The following TSR1 variants were observed in gnomAD, a reference collection of about 807,000 sequenced individuals.
TSR1 encodes pre-rRNA-processing protein TSR1 homolog.
Under a neutral mutation model 90.9 loss-of-function variants are expected in TSR1, and 81 were observed. The observed-to-expected ratio is 0.89, with a 90% CI of 0.74 to 1.07. The LOEUF is 1.07. Ranked by LOEUF, TSR1 falls within the 50% of genes least tolerant of loss-of-function variation. TSR1 has a pLI of 0.00. For synonymous variants in TSR1, 362 were observed against 348.8 expected (o/e 1.04, Z -0.42); for missense variants, 989 against 987.3 (o/e 1.00, Z -0.02).
chr17:2,326,817 A>AT (rs1567782296), intron 11 of TSR1, among the ~76,000 whole-genome samples: 1 of 152,084 alleles, frequency 6.6e-6, no homozygotes, highest in East Asian at 1.9e-4. Context: ...AAAAAGAAAA[A>AT]TTTTTGGCCG....
chr17:2,334,928 T>C, intron 4 of TSR1, 32 bp from the exon 5 acceptor site: 1 of 1,576,714 alleles, frequency 6.3e-7, no homozygotes, highest in East Asian at 2.2e-5. Flanking sequence ...CTTCATGACC[T>C]ACTGCTTCAT....
rs1597273080 is a variant in TSR1 at position 2,324,444 on chromosome 17, A to G, written c.2236+60T>C. 13 of 1,611,926 alleles carry G rather than the reference A, an allele frequency of 8.1e-6. No homozygotes were observed. The East Asian group carries it at 2.7e-4, about 33-fold the overall frequency. The stretch of plus-strand genomic sequence containing the variant: ...TTTTAAAGCAATGACTTCCAACCCA[A>G]CAGTCATTTAGCAACACTGCAGAAA... On this transcript the variant is annotated intron_variant, in intron 14 of 14. Coordinates refer to ENST00000301364, the MANE Select transcript of TSR1 (RefSeq NM_018128.5).
intron 8 of TSR1, among the ~76,000 whole-genome samples, chr17:2,331,828 C>T (rs1394157185): frequency 1.3e-5 from 2 of 152,214 alleles, no homozygotes; most frequent in Non-Finnish European, 1.5e-5. Context: ...TCTACTTCTT[C>T]ACTCTTCTAC....
chr17:2,332,007 A>G (rs2064007300), intron 8 of TSR1, among the ~76,000 whole-genome samples, 162 bp downstream of exon 8: 1 of 152,122 alleles, frequency 6.6e-6, no homozygotes, highest in Non-Finnish European at 1.5e-5. Flanking sequence ...ACATATGACC[A>G]TTTCCCGTAT....
chr17:2,335,581 T>G lies in TSR1; in HGVS notation c.351A>C (p.Gly117=). ...DTGTVHLNEL[G]NTQNFMLLCP... is the part of the protein sequence containing the mutation. ...ACAGCAGCATAAAGTTCTGGGTGTTTCCCAATTCATTCAAGTGTACTGTTC... is the reference window on the plus strand; with the variant it reads ...ACAGCAGCATAAAGTTCTGGGTGTTGCCCAATTCATTCAAGTGTACTGTTC... Residue 117 remains glycine (G), a synonymous_variant, in exon 3 of 15, where the codon GGA becomes GGC. Transcript: ENST00000301364. 1 of 1,614,146 alleles carries G rather than the reference T, an allele frequency of 6.2e-7. No individual in the cohort carries two copies. Among genetic ancestry groups the G allele is most frequent in the Non-Finnish European group, 8.5e-7 (1 of 1,180,018 alleles).
At chr17:2,325,891 G>A (rs964633832) in intron 11 of TSR1, among the ~76,000 whole-genome samples, 38 of 152,204 alleles carry the variant, frequency 2.5e-4, no homozygotes, top group African/African-American at 7.9e-4. Flanking sequence ...GATTACAGGC[G>A]TGAGCCACCG....
intron 10 of TSR1, 48 bp downstream of exon 10, chr17:2,330,467 G>T: frequency 6.5e-7 from 1 of 1,543,940 alleles, no homozygotes. Flanking sequence ...GTCAGAAGCA[G>T]CTGGAAAGTT....
intron 12 of TSR1, 200 bp from the exon 13 acceptor site, chr17:2,325,029 G>T: frequency 1.6e-6 from 1 of 623,776 alleles, no homozygotes; most frequent in Non-Finnish European, 2.7e-6. Flanking sequence ...CAAGAGAAAT[G>T]ATGTATAACA....
intron 9 of TSR1, 58 bp from the exon 10 acceptor site, chr17:2,330,683 G>C: frequency 6.5e-7 from 1 of 1,535,444 alleles, no homozygotes; most frequent in East Asian, 2.3e-5. Context: ...CCAATAGCGA[G>C]GAAGCTTTCT....
Position 2,323,923 on chromosome 17 carries a change from C to T in TSR1, c.*273G>A. 1 of 1,515,800 alleles carries T rather than the reference C, an allele frequency of 6.6e-7. No homozygotes were observed. The highest frequency in any genetic ancestry group is 1.2e-5 in the South Asian group (1 of 86,522). 93.9% of individuals were successfully genotyped at this position (1,515,800 alleles called of 1,614,324 possible). On this transcript the variant is annotated 3_prime_UTR_variant, in exon 15 of 15. Transcript: ENST00000301364. ...ATTCAGTGTCTTTAGATACTGAAGA[C>T]ATTTTGTTTCCTAGTATTGTCAACT...
chr17:2,333,791 C>T (rs2064025045), intron 5 of TSR1, 75 bp from the exon 6 acceptor site: 1 of 1,571,326 alleles, frequency 6.4e-7, no homozygotes, highest in Admixed American at 1.7e-5. Flanking sequence ...CCAGAAAGAC[C>T]CAGAAATATC....
chr17:2,323,794 G>C lies in TSR1; in HGVS notation c.*402C>G, dbSNP rs1227254894. On this transcript the variant is annotated 3_prime_UTR_variant, in exon 15 of 15. Coordinates refer to ENST00000301364, the MANE Select transcript of TSR1 (RefSeq NM_018128.5). The stretch of plus-strand genomic sequence containing the variant: ...AACATTTGTATTGTGCTCAGTGGTG[G>C]AAATGTAGACTTAACCTCCTCCATA... 1 of 1,614,196 alleles carries C rather than the reference G, an allele frequency of 6.2e-7. No homozygotes were observed. Among genetic ancestry groups the C allele is most frequent in the Admixed American group, 1.7e-5 (1 of 60,026 alleles).
At chr17:2,326,321 G>A (rs1225151515) in intron 11 of TSR1, among the ~76,000 whole-genome samples, 1 of 152,110 alleles carries the variant, frequency 6.6e-6, no homozygotes, top group African/African-American at 2.4e-5. Flanking sequence ...CTGAGAGTGA[G>A]TGAACTAGGA....
At position 2,335,392 on chromosome 17, in the gene TSR1, C is replaced by T. The variant is rs148773339; in HGVS notation, c.424G>A (p.Asp142Asn). 8.7e-4 allele frequency: 1,410 copies of T among 1,613,362 alleles called. No individual in the cohort carries two copies. The highest frequency in any genetic ancestry group is 1.1e-3 in the Non-Finnish European group (1,306 of 1,179,884). ...GCCATGTCTAACACAACGTGCAGAT[C>T]CCCTGCAGATAGAAGACACAGTAAG... ...RWFFTSARPG[D>N]LHVVLDMAKV... The change falls in exon 4 of 15, where the codon GAT becomes AAT. Residue 142 changes from aspartate (D) to asparagine (N), a missense_variant and splice_region_variant. Asp to Asn is a conservative substitution (Grantham distance 23). Coordinates refer to ENST00000301364, the MANE Select transcript of TSR1 (RefSeq NM_018128.5).
In TSR1 at chr17:2,333,035, G is replaced by C. The variant is rs149799628; in HGVS notation, c.1231C>G (p.Gln411Glu). 9.3e-6 allele frequency: 15 copies of C among 1,613,956 alleles called. No homozygotes were observed. In the African/African-American group the frequency reaches 1.9e-4, roughly 20 times the overall value. ...QAEWILDGGS[Q>E]SGGEGDEYEY... ...TATTCATCTCCTTCCCCACCACTTT[G>C]GCTGCCACCATCCAAAATCCATTCA... The change falls in exon 7 of 15, where the codon CAA becomes GAA. Residue 411 changes from glutamine (Q) to glutamate (E), a missense_variant. Coordinates refer to ENST00000301364, the MANE Select transcript of TSR1 (RefSeq NM_018128.5).
chr17:2,331,649 TAC>T (rs1218983842), intron 8 of TSR1, among the ~76,000 whole-genome samples: 1 of 152,210 alleles, frequency 6.6e-6, no homozygotes, highest in African/African-American at 2.4e-5. Context: ...ATGCTTCCTG[TAC>T]AGTCTGCAGG....
In TSR1 at chr17:2,334,494, T is replaced by C. The variant is rs2064030536; in HGVS notation, c.959A>G (p.Lys320Arg). 1 of 1,613,616 alleles carries C rather than the reference T, an allele frequency of 6.2e-7. No homozygotes were observed. The highest frequency in any genetic ancestry group is 8.5e-7 in the Non-Finnish European group (1 of 1,179,588). ...TACCTCCATTGCCATGTCTGGGTCC[T>C]TTTGGGGTTTAATTCCTCTAGGATT... ...PLNPRGIKPQ[K>R]DPDMAMEICA... The change falls in exon 5 of 15, where the codon AAG (lysine) becomes AGG (arginine). Residue 320 changes from lysine to arginine, a missense_variant. Lys to Arg is a conservative substitution (Grantham distance 26). Coordinates refer to ENST00000301364, the MANE Select transcript of TSR1 (RefSeq NM_018128.5).
rs775368937 is a variant in TSR1 at position 2,330,938 on chromosome 17, G to A, written c.1659+9C>T. ...AGCAACATACAAGATGAACAAGGAG[G>A]ATAGATACCTCAGCTCCTTCAACCT... On this transcript the variant is annotated intron_variant, in intron 9 of 14. Coordinates refer to ENST00000301364, the MANE Select transcript of TSR1 (RefSeq NM_018128.5). The A allele has an allele frequency of 1.9e-6, 3 of 1,574,036 alleles. No individual in the cohort carries two copies. The highest frequency in any genetic ancestry group is 2.6e-6 in the Non-Finnish European group (3 of 1,166,352).
At chr17:2,330,180 A>G (rs2075596591) in intron 10 of TSR1, 1 of 459,250 alleles carries the variant, frequency 2.2e-6, no homozygotes, top group South Asian at 1.6e-5. Flanking sequence ...TGGCCTCCCA[A>G]AAAGTGCTGG....
Sources: allele counts gnomAD v4.1 joint callset (sites outside exome capture counted in the v4.1 genomes callset), GRCh38; gene constraint gnomAD v4.1.1; transcripts MANE v1.5; gene names NCBI Gene and HGNC (gene_info 2026-07-23, HGNC 2026-07-21).